The following AUTS2 variants were observed in gnomAD, a reference collection of about 807,000 sequenced individuals.
AUTS2 encodes the protein activator of transcription and developmental regulator AUTS2.
A neutral mutation model predicts 112.4 loss-of-function variants in AUTS2; 17 were observed. The observed-to-expected ratio is 0.15, with a 90% confidence interval of 0.10 to 0.23. AUTS2 has a LOEUF of 0.23. Among genes scored for constraint, AUTS2 ranks in the 10% least tolerant of loss-of-function variants. The pLI is 1.00. For missense variants in AUTS2, 1,510 were observed against 1,701.6 expected (o/e 0.89, Z 1.98); for synonymous variants, 751 against 702.7 (o/e 1.07, Z -1.09).
At chr7:70,649,632 G>A (rs1324124199) in intron 5 of AUTS2, among the ~76,000 whole-genome samples, 3 of 151,938 alleles carry the variant, frequency 2.0e-5, no homozygotes, top group South Asian at 2.1e-4. Flanking sequence ...GGGTTCAAAC[G>A]ATTTTCTTGC....
At chr7:69,948,770 TTTCATTTA>T (rs1345338517) in intron 2 of AUTS2, among the ~76,000 whole-genome samples, 2 of 149,618 alleles carry the variant, frequency 1.3e-5, no homozygotes, top group African/African-American at 2.5e-5. Flanking sequence ...CAAAATTTTC[TTTCATTTA>T]TTTATTTATT....
intron 4 of AUTS2, among the ~76,000 whole-genome samples, chr7:70,297,322 C>T (rs1024306786): frequency 1.3e-5 from 2 of 152,066 alleles, no homozygotes; most frequent in African/African-American, 2.4e-5. Context: ...AACTGAGAAC[C>T]GTCTCCAAAG....
intron 1 of AUTS2, among the ~76,000 whole-genome samples, chr7:69,705,945 C>A (rs1387965158): frequency 1.2e-4 from 19 of 152,146 alleles, no homozygotes; most frequent in Non-Finnish European, 1.5e-5. Flanking sequence ...TTAGAGCCCA[C>A]CATAAAGACC....
intron 2 of AUTS2, among the ~76,000 whole-genome samples, chr7:70,050,638 G>C (rs77200821): frequency 2.5e-3 from 387 of 152,186 alleles, no homozygotes; most frequent in Non-Finnish European, 3.9e-3. Context: ...TGAAATAATT[G>C]CTGCTTACTT....
chr7:70,621,894 T>C (rs1249482541), intron 5 of AUTS2, among the ~76,000 whole-genome samples: 1 of 121,580 alleles, frequency 8.2e-6, no homozygotes, highest in African/African-American at 3.2e-5. Flanking sequence ...TCGCCCAAGC[T>C]GGAGTGCAGT....
At chr7:69,937,254 C>T (rs537228836) in intron 2 of AUTS2, among the ~76,000 whole-genome samples, 1 of 152,334 alleles carries the variant, frequency 6.6e-6, no homozygotes, top group African/African-American at 2.4e-5. Flanking sequence ...CATTAAACCA[C>T]TTTGGCCACA....
At position 70,772,526 on chromosome 7, in the gene AUTS2, G is replaced by A. The variant is rs1243744661; in HGVS notation, c.1830+882G>A. 3.3e-5 allele frequency among the ~76,000 whole-genome samples: 5 copies of A among 152,108 alleles called. No individual in the cohort carries two copies. The East Asian group carries it at 5.8e-4, about 18-fold the overall frequency. ...TTCTGCTGTGTGCCATTGGGTTTTC[G>A]TTTTTCTTTTCCCCACCATCTCATG... On this transcript the variant is annotated intron_variant, in intron 11 of 18. Transcript: ENST00000342771.
At chr7:70,250,611 C>T (rs1289437139) in intron 4 of AUTS2, among the ~76,000 whole-genome samples, 2 of 152,106 alleles carry the variant, frequency 1.3e-5, no homozygotes, top group Non-Finnish European at 2.9e-5. Context: ...AAATGGAATC[C>T]ACCCAAATGC....
At chr7:70,022,068 GT>G (rs1800300097) in intron 2 of AUTS2, among the ~76,000 whole-genome samples, 1 of 150,566 alleles carries the variant, frequency 6.6e-6, no homozygotes, top group South Asian at 2.1e-4. Flanking sequence ...TTAATAGCAT[GT>G]TTTACATGAA....
intron 2 of AUTS2, among the ~76,000 whole-genome samples, chr7:69,981,851 C>T (rs1404780159): frequency 6.6e-6 from 1 of 152,160 alleles, no homozygotes; most frequent in Non-Finnish European, 1.5e-5. Flanking sequence ...CTCGTTCTAC[C>T]ACTTGATATG....
intron 5 of AUTS2, among the ~76,000 whole-genome samples, chr7:70,458,974 G>A (rs116615072): frequency 0.014 from 2,142 of 152,244 alleles, 54 homozygotes; most frequent in African/African-American, 0.048. Context: ...TCCCGACCCG[G>A]GCCTCCTCAG....
At chr7:69,613,027 C>T (rs952901950) in intron 1 of AUTS2, among the ~76,000 whole-genome samples, 3 of 152,082 alleles carry the variant, frequency 2.0e-5, no homozygotes, top group South Asian at 4.1e-4. Context: ...ATCCCATTGA[C>T]GCACCCCATG....
At chr7:70,536,891 ACT>A (rs1800346009) in intron 5 of AUTS2, among the ~76,000 whole-genome samples, 1 of 151,804 alleles carries the variant, frequency 6.6e-6, no homozygotes, top group African/African-American at 2.4e-5. Flanking sequence ...CAAGAGTGAA[ACT>A]CTGTCTCAAA....
At chr7:70,133,903 T>G (rs1047122661) in intron 3 of AUTS2, among the ~76,000 whole-genome samples, 2 of 152,194 alleles carry the variant, frequency 1.3e-5, no homozygotes, top group Non-Finnish European at 2.9e-5. Flanking sequence ...TCTTGTGACT[T>G]AAACCCTTCA....
rs1000852255 is a variant in AUTS2, at chr7:70,723,651, T to G, written c.742+25031T>G. ...CTATTTTTTTCCCCAGAGAAACTGT[T>G]TTAATTTACCTTTCTGAGTTGTAGA... On this transcript the variant is annotated intron_variant, in intron 6 of 18. Coordinates refer to ENST00000342771, the MANE Select transcript of AUTS2 (RefSeq NM_015570.4). Among the ~76,000 whole-genome samples, 3 of 119,254 alleles carry G rather than the reference T, an allele frequency of 2.5e-5. No individual in the cohort carries two copies. The East Asian group carries it at 1.3e-3, about 52-fold the overall frequency. 78.2% of individuals were successfully genotyped at this position (119,254 alleles called of 152,430 possible). A position where few individuals can be genotyped will look rare whatever the true frequency, so the allele number is the denominator to read the frequency against.
intron 5 of AUTS2, among the ~76,000 whole-genome samples, chr7:70,662,844 G>C (rs1807140895): frequency 6.6e-6 from 1 of 152,194 alleles, no homozygotes; most frequent in South Asian, 2.1e-4. Context: ...AGTCATTGCA[G>C]TTGGTTGTTT....
chr7:69,828,792 A>G (rs1791369048), intron 1 of AUTS2, among the ~76,000 whole-genome samples: 1 of 152,192 alleles, frequency 6.6e-6, no homozygotes, highest in Admixed American at 6.5e-5. Context: ...ACAGGCCATG[A>G]GGATGAAAAA....
intron 1 of AUTS2, among the ~76,000 whole-genome samples, chr7:69,661,677 A>G (rs905438423): frequency 1.3e-5 from 2 of 152,224 alleles, no homozygotes; most frequent in Non-Finnish European, 2.9e-5. Flanking sequence ...TTTTGGTCTC[A>G]TGGTTTCACT....
intron 1 of AUTS2, among the ~76,000 whole-genome samples, chr7:69,892,594 C>T (rs1282147638): frequency 6.6e-6 from 1 of 152,094 alleles, no homozygotes; most frequent in African/African-American, 2.4e-5. Context: ...TTGACAGTAT[C>T]TTTTGAAGAG....
Sources: gnomAD v4.1 joint callset for allele counts (sites outside exome capture counted in the v4.1 genomes callset) on GRCh38, gnomAD v4.1.1 for gene constraint, MANE v1.5 for transcripts, NCBI Gene and HGNC (gene_info 2026-07-23, HGNC 2026-07-21) for gene names.